TBC1D22A: variants seen among roughly 807,000 people sequenced by gnomAD.
The protein encoded by TBC1D22A is TBC1 domain family member 22A.
Under a neutral mutation model 60.2 loss-of-function variants are expected in TBC1D22A, and 38 were observed. The observed-to-expected ratio is 0.63, with a 90% confidence interval of 0.49 to 0.83. The LOEUF (loss-of-function observed/expected upper bound fraction) is 0.83. TBC1D22A is among the 40% of genes least tolerant of loss of function. The pLI, the probability that TBC1D22A is intolerant of heterozygous loss-of-function variation, is 0.00. For synonymous variants in TBC1D22A, 302 were observed against 281.7 expected (o/e 1.07, Z -0.72); for missense variants, 628 against 701.0 (o/e 0.90, Z 1.18).
intron 6 of TBC1D22A, among the ~76,000 whole-genome samples, chr22:46,892,932 G>C (rs1326102880): frequency 6.6e-6 from 1 of 152,234 alleles, no homozygotes; most frequent in Non-Finnish European, 1.5e-5. Context: ...CTGTCTGCCT[G>C]ATGCTTTGAG....
At position 46,794,213 on chromosome 22, in the gene TBC1D22A, T is replaced by C. The variant is rs76269874; in HGVS notation, c.460+372T>C. Among the ~76,000 whole-genome samples the C allele has an allele frequency of 4.9e-3, 750 of 152,290 alleles. 2 individuals are homozygous for C. The highest frequency in any genetic ancestry group is 0.017 in the African/African-American group (701 of 41,564). ...CTGTCTCCCTCCTAACTCCACCAGC[T>C]TGTGATGGTTCCATGGGTGACATTG... On this transcript the variant is annotated intron_variant, in intron 3 of 12. Transcript: ENST00000337137.
intron 12 of TBC1D22A, among the ~76,000 whole-genome samples, chr22:47,126,452 G>A (rs758983893): frequency 6.6e-6 from 1 of 152,190 alleles, no homozygotes; most frequent in Admixed American, 6.5e-5. Context: ...CCAGCAGTAC[G>A]TAGGCCCCGC....
At position 47,053,537 on chromosome 22, in the gene TBC1D22A, G is replaced by A. The variant is rs16996238; in HGVS notation, c.1329+16339G>A. ...GATGGAGGGCGCTTCTCTCCCAGTC[G>A]GGGCAGCAGTTTGCCAGGCCTGTGA... On this transcript the variant is annotated intron_variant, in intron 11 of 12. Coordinates refer to ENST00000337137, the MANE Select transcript of TBC1D22A (RefSeq NM_014346.5). Among the ~76,000 whole-genome samples, 588 of 152,360 alleles carry A rather than the reference G, an allele frequency of 3.9e-3. 3 individuals are homozygous for A. The highest frequency in any genetic ancestry group is 0.013 in the African/African-American group (552 of 41,582).
At chr22:46,769,796 G>A (rs1475497323) in intron 1 of TBC1D22A, among the ~76,000 whole-genome samples, 1 of 152,140 alleles carries the variant, frequency 6.6e-6, no homozygotes, top group Non-Finnish European at 1.5e-5. Flanking sequence ...AAGAGAGGGC[G>A]AGAGAGGAAA....
At chr22:47,004,862 C>T (rs901942320) in intron 10 of TBC1D22A, among the ~76,000 whole-genome samples, 49 of 151,824 alleles carry the variant, frequency 3.2e-4, no homozygotes, top group African/African-American at 1.1e-3. Flanking sequence ...CATACACACA[C>T]CCCTGTATAA....
At chr22:46,956,756 G>A (rs757980878) in intron 8 of TBC1D22A, among the ~76,000 whole-genome samples, 2 of 152,240 alleles carry the variant, frequency 1.3e-5, no homozygotes, top group South Asian at 2.1e-4. Flanking sequence ...TGAGATGGCC[G>A]AGGGGTGTGA....
chr22:47,145,508 T>C (rs2067256386), intron 12 of TBC1D22A, among the ~76,000 whole-genome samples: 1 of 152,202 alleles, frequency 6.6e-6, no homozygotes. Flanking sequence ...GCCTGAAAGA[T>C]TGAATTGCCT....
intron 12 of TBC1D22A, among the ~76,000 whole-genome samples, chr22:47,124,285 G>A (rs186786203): frequency 1.3e-5 from 2 of 152,320 alleles, no homozygotes; most frequent in Admixed American, 1.3e-4. Context: ...AGAGGGAAGG[G>A]CGCCGTGGGA....
intron 10 of TBC1D22A, among the ~76,000 whole-genome samples, chr22:47,024,798 A>G (rs1170302368): frequency 1.3e-5 from 2 of 152,172 alleles, no homozygotes; most frequent in African/African-American, 4.8e-5. Flanking sequence ...TCAAGGCTGC[A>G]GTGAGCCATG....
At chr22:46,967,084 G>A (rs550415824) in intron 8 of TBC1D22A, among the ~76,000 whole-genome samples, 4 of 152,188 alleles carry the variant, frequency 2.6e-5, no homozygotes, top group Admixed American at 6.5e-5. Context: ...CTTGTGGGCT[G>A]CAGGCGGATG....
intron 8 of TBC1D22A, 27 bp from the exon 9 acceptor site, chr22:46,974,263 G>A: frequency 6.4e-7 from 1 of 1,560,660 alleles, no homozygotes; most frequent in Non-Finnish European, 8.7e-7. Flanking sequence ...AAGTCTCCTT[G>A]TCTTTTGCAT....
chr22:46,879,263 C>A (rs528792392), intron 5 of TBC1D22A, among the ~76,000 whole-genome samples: 1 of 152,004 alleles, frequency 6.6e-6, no homozygotes, highest in East Asian at 1.9e-4. Context: ...GCAGCTCTGG[C>A]GCTCAGCTGC....
intron 12 of TBC1D22A, among the ~76,000 whole-genome samples, chr22:47,168,564 C>T (rs183436044): frequency 3.9e-5 from 6 of 152,298 alleles, no homozygotes; most frequent in African/African-American, 9.6e-5. Flanking sequence ...CCAGCACTCC[C>T]GCATCTAATC....
At chr22:46,917,649 C>T (rs1191892863) in intron 8 of TBC1D22A, among the ~76,000 whole-genome samples, 5 of 152,080 alleles carry the variant, frequency 3.3e-5, no homozygotes, top group South Asian at 2.1e-4. Context: ...TGTTGGGATC[C>T]GGGCCTTGGC....
chr22:46,832,187 G>C (rs1213164229), intron 4 of TBC1D22A, among the ~76,000 whole-genome samples: 1 of 152,222 alleles, frequency 6.6e-6, no homozygotes, highest in Non-Finnish European at 1.5e-5. Context: ...CATCATGGCA[G>C]GGAAGGGCCA....
Position 46,892,487 on chromosome 22 carries a change from CT to C in TBC1D22A, c.837+1094del, listed in dbSNP as rs66508974. ...ATTTCCTTCCAGGCCGGAGCTGCCC[CT>C]GGCCCGTGTTGCCTTCTGTCTCTCA... On this transcript the variant is annotated intron_variant, in intron 6 of 12. Coordinates refer to ENST00000337137, the MANE Select transcript of TBC1D22A (RefSeq NM_014346.5). Among the ~76,000 whole-genome samples, 1,315 of 152,290 alleles carry C rather than the reference CT, an allele frequency of 8.6e-3. 26 individuals are homozygous for C. Among genetic ancestry groups the C allele is most frequent in the African/African-American group, 0.03 (1,247 of 41,554 alleles).
chr22:47,108,681 T>C (rs1226571721), intron 11 of TBC1D22A, among the ~76,000 whole-genome samples: 1 of 152,218 alleles, frequency 6.6e-6, no homozygotes, highest in African/African-American at 2.4e-5. Flanking sequence ...ACTTGAAATA[T>C]GTAAACATGT....
intron 4 of TBC1D22A, among the ~76,000 whole-genome samples, chr22:46,830,157 C>T (rs554397207): frequency 2.4e-4 from 36 of 152,288 alleles, no homozygotes; most frequent in Non-Finnish European, 4.9e-4. Flanking sequence ...GGGCATCAGG[C>T]GTGCCGCACC....
At chr22:46,898,043 A>G (rs1433173589) in intron 7 of TBC1D22A, among the ~76,000 whole-genome samples, 4 of 152,232 alleles carry the variant, frequency 2.6e-5, no homozygotes, top group Non-Finnish European at 2.9e-5. Flanking sequence ...TGTGCCTATC[A>G]TACCTGGAAA....
Sources: allele counts gnomAD v4.1 joint callset (sites outside exome capture counted in the v4.1 genomes callset), GRCh38; gene constraint gnomAD v4.1.1; transcripts MANE v1.5; gene names NCBI Gene and HGNC (gene_info 2026-07-23, HGNC 2026-07-21).